ACSF3: variants seen among roughly 807,000 people sequenced by gnomAD.
ACSF3 encodes malonate--CoA ligase ACSF3, mitochondrial.
Under a neutral mutation model 53.2 loss-of-function variants are expected in ACSF3, and 78 were observed. That is an observed-to-expected ratio of 1.47 (90% CI 1.22 to 1.77). The LOEUF is 1.77. Ranked by LOEUF, ACSF3 falls within the 40% of genes most tolerant of loss-of-function variation. ACSF3 has a pLI of 0.00. For synonymous variants in ACSF3, 414 were observed against 333.1 expected, an observed-to-expected ratio of 1.24 and a Z score of -2.65; for missense variants, 937 against 771.1, an observed-to-expected ratio of 1.22 and a Z score of -2.55.
chr16:89,104,534 C>G (rs531256808), intron 4 of ACSF3, among the ~76,000 whole-genome samples: 3 of 152,276 alleles, frequency 2.0e-5, no homozygotes, highest in African/African-American at 7.2e-5. Flanking sequence ...ACCGGGAGCT[C>G]AGGACCCAAA....
In ACSF3 at chr16:89,154,987, T is replaced by G; in HGVS notation, c.*780T>G. 2.2e-6 allele frequency: 1 copy of G among 453,990 alleles called. No individual in the cohort carries two copies. The highest frequency in any genetic ancestry group is 4.4e-6 in the Non-Finnish European group (1 of 226,734). The allele number at this position is 453,990 out of a possible 1,614,324, so 28.1% of individuals were successfully genotyped here. On this transcript the variant is annotated 3_prime_UTR_variant, in exon 11 of 11. Coordinates refer to ENST00000614302, the MANE Select transcript of ACSF3 (RefSeq NM_001243279.3). ...CACCGTCTCCACCCAGACCCCCACCTGCCCCATGGCCCCCATTTCATGTCT... is the reference window on the plus strand; with the variant it reads ...CACCGTCTCCACCCAGACCCCCACCGGCCCCATGGCCCCCATTTCATGTCT...
chr16:89,118,367 A>G (rs1905727988), intron 6 of ACSF3, among the ~76,000 whole-genome samples: 1 of 149,698 alleles, frequency 6.7e-6, no homozygotes, highest in Admixed American at 6.7e-5. Flanking sequence ...CATTAAATCC[A>G]ATATGCCCCA....
Position 89,114,335 on chromosome 16 carries a change from G to T in ACSF3, c.978-4G>T. The stretch of plus-strand genomic sequence containing the variant: ...CTAAACCTGCCTTTGGTTGTGCCGC[G>T]TAGGCTGATGGTCTCAGGCTCAGCT... On this transcript the variant is annotated splice_region_variant and splice_polypyrimidine_tract_variant and intron_variant, in intron 5 of 10. Coordinates refer to ENST00000614302, the MANE Select transcript of ACSF3 (RefSeq NM_001243279.3). 6.2e-7 allele frequency: 1 copy of T among 1,613,974 alleles called. No homozygotes were observed. The highest frequency in any genetic ancestry group is 8.5e-7 in the Non-Finnish European group (1 of 1,180,026).
At chr16:89,153,929 C>A in intron 10 of ACSF3, 161 bp from the exon 11 acceptor site, 1 of 695,004 alleles carries the variant, frequency 1.4e-6, no homozygotes, top group Non-Finnish European at 2.5e-6. Flanking sequence ...AGGGCAGAGA[C>A]AGCTGCGGTG....
Position 89,119,132 on chromosome 16 carries a change from C to G in ACSF3, c.1127-1669C>G, listed in dbSNP as rs28525573. 1.1e-3 allele frequency among the ~76,000 whole-genome samples: 165 copies of G among 152,224 alleles called. 2 individuals are homozygous for G. The highest frequency in any genetic ancestry group is 3.7e-3 in the African/African-American group (153 of 41,536). On this transcript the variant is annotated intron_variant, in intron 6 of 10. Transcript: ENST00000614302. ...CGGCACCTGGAGTGTGGGGGCCACT[C>G]CTTGAGCTCTCATGGACAATACCAC...
At chr16:89,151,300 T>C (rs1914048607) in intron 10 of ACSF3, 1 of 424,726 alleles carries the variant, frequency 2.4e-6, no homozygotes, top group Non-Finnish European at 4.7e-6. Flanking sequence ...GCTTCACTGA[T>C]AAATTATCTC....
At chr16:89,132,081 G>C (rs914508973) in intron 7 of ACSF3, among the ~76,000 whole-genome samples, 15 of 152,396 alleles carry the variant, frequency 9.8e-5, no homozygotes, top group African/African-American at 3.4e-4. Context: ...ACTCGGCAGA[G>C]GCTGCCATGG....
At position 89,144,912 on chromosome 16, in the gene ACSF3, C is replaced by G. The variant is rs115652756; in HGVS notation, c.1367-355C>G. 4.3e-3 allele frequency among the ~76,000 whole-genome samples: 651 copies of G among 152,346 alleles called. 2 individuals are homozygous for G. The highest frequency in any genetic ancestry group is 0.015 in the African/African-American group (615 of 41,582). ...CCTAATGCAGGGTGTCTGCAGACCA[C>G]AGGCCCAGCAGGGCTTCTGGCACCT... On this transcript the variant is annotated intron_variant, in intron 8 of 10. Transcript: ENST00000614302.
At chr16:89,115,630 G>A (rs1236631756) in intron 6 of ACSF3, among the ~76,000 whole-genome samples, 2 of 152,226 alleles carry the variant, frequency 1.3e-5, no homozygotes, top group Non-Finnish European at 2.9e-5. Context: ...TATTTCACCT[G>A]GGCAGATACC....
At chr16:89,124,435 ATG>A (rs111694712) in intron 7 of ACSF3, among the ~76,000 whole-genome samples, 4 of 147,158 alleles carry the variant, frequency 2.7e-5, no homozygotes, top group Admixed American at 1.4e-4. Context: ...CACTGTGCGT[ATG>A]TGTGTGATAC....
Position 89,100,806 on chromosome 16 carries a change from G to T in ACSF3, c.125G>T (p.Arg42Met). 1 of 1,612,764 alleles carries T rather than the reference G, an allele frequency of 6.2e-7. No individual in the cohort carries two copies. The highest frequency in any genetic ancestry group is 8.5e-7 in the Non-Finnish European group (1 of 1,180,024). ...LHTAPVARSDRSAPVFTRALA... is the reference protein window; with the variant it reads ...LHTAPVARSDMSAPVFTRALA... The stretch of plus-strand genomic sequence containing the variant: ...ACAGCCCCAGTGGCCCGCTCGGACA[G>T]GAGCGCCCCGGTGTTCACCCGTGCC... Residue 42 changes from arginine (R) to methionine (M), a missense_variant, in exon 3 of 11, where the codon AGG becomes ATG. Coordinates refer to ENST00000614302, the MANE Select transcript of ACSF3 (RefSeq NM_001243279.3).
At chr16:89,102,438 C>G in intron 3 of ACSF3, 166 bp from the exon 4 acceptor site, 1 of 759,342 alleles carries the variant, frequency 1.3e-6, no homozygotes, top group East Asian at 2.7e-5. Flanking sequence ...GTGGTTTTGT[C>G]GTCATCTTGA....
chr16:89,102,795 G>T (rs925840021), intron 4 of ACSF3, 36 bp downstream of exon 4: 23 of 1,557,146 alleles, frequency 1.5e-5, no homozygotes, highest in Non-Finnish European at 1.9e-5. Flanking sequence ...TGCACCCTCA[G>T]ACTAGGCGCC....
At chr16:89,118,058 G>T (rs1201305618) in intron 6 of ACSF3, among the ~76,000 whole-genome samples, 1 of 151,314 alleles carries the variant, frequency 6.6e-6, no homozygotes, top group Non-Finnish European at 1.5e-5. Flanking sequence ...CAGAGCCCAC[G>T]GCAGGTTCCC....
rs182147718 is a variant in ACSF3, at chr16:89,101,038, C to T, written c.357C>T (p.Gly119=). 1.7e-5 allele frequency: 27 copies of T among 1,613,892 alleles called. No homozygotes were observed. Among genetic ancestry groups the T allele is most frequent in the African/African-American group, 6.7e-5 (5 of 75,028 alleles). ...CCCAGTGGGCGTCATGGATGAGTGG[C>T]GGTGTGGCAGTCCCCCTCTACAGGA... ...VVAQWASWMS[G]GVAVPLYRKH... is the part of the protein sequence containing the mutation. The change falls in exon 3 of 11, where the codon GGC becomes GGT. Residue 119 remains glycine, a synonymous_variant. Transcript: ENST00000614302.
At chr16:89,136,561 A>G in intron 8 of ACSF3, 1 of 1,275,482 alleles carries the variant, frequency 7.8e-7, no homozygotes, top group Non-Finnish European at 1.0e-6. Flanking sequence ...CCCTCCTGCC[A>G]CACGGATTCT....
intron 8 of ACSF3, among the ~76,000 whole-genome samples, chr16:89,135,678 C>T (rs948569647): frequency 6.6e-6 from 1 of 152,246 alleles, no homozygotes; most frequent in Admixed American, 6.5e-5. Context: ...TGCAGAATTA[C>T]AGGAACCGGA....
intron 8 of ACSF3, among the ~76,000 whole-genome samples, chr16:89,137,668 A>G (rs78734986): frequency 1.0e-4 from 15 of 148,674 alleles, no homozygotes; most frequent in Admixed American, 2.0e-4. Flanking sequence ...GAAGAGCCCC[A>G]GGTCCCAGGA....
chr16:89,125,697 AAAGAGAG>A (rs1219021232), intron 7 of ACSF3, among the ~76,000 whole-genome samples: 4 of 124,212 alleles, frequency 3.2e-5, no homozygotes, highest in African/African-American at 8.7e-5. Context: ...TCAAAAAAAA[AAAGAGAG>A]AGAGAGAGAG....
Sources: allele counts gnomAD v4.1 joint callset (sites outside exome capture counted in the v4.1 genomes callset), GRCh38; gene constraint gnomAD v4.1.1; transcripts MANE v1.5; gene names NCBI Gene and HGNC (gene_info 2026-07-23, HGNC 2026-07-21).